The following TACC2 variants were observed in gnomAD, a reference collection of about 807,000 sequenced individuals.
The protein encoded by TACC2 is transforming acidic coiled-coil-containing protein 2.
TACC2 carries 137 observed loss-of-function variants against 227.3 expected under a neutral mutation model. The ratio of observed to expected loss-of-function variants is 0.60; its 90% confidence interval spans 0.52 to 0.69. The LOEUF is 0.69. Ranked by LOEUF, TACC2 falls within the 30% of genes least tolerant of loss-of-function variation. The pLI, the probability that TACC2 is intolerant of heterozygous loss-of-function variation, is 0.00. For missense variants in TACC2, 3,470 were observed against 3,694.4 expected, an observed-to-expected ratio of 0.94 and a Z score of 1.57; for synonymous variants, 1,523 against 1,487.5, an observed-to-expected ratio of 1.02 and a Z score of -0.55.
chr10:122,029,002 C>T (rs867377619), intron 2 of TACC2, among the ~76,000 whole-genome samples: 11 of 57,058 alleles, frequency 1.9e-4, no homozygotes, highest in Non-Finnish European at 1.8e-4. Flanking sequence ...CCTCCCCTCC[C>T]CTCCCCTCCC....
chr10:122,064,422 T>G (rs1395625651), intron 3 of TACC2, among the ~76,000 whole-genome samples: 1 of 152,188 alleles, frequency 6.6e-6, no homozygotes, highest in Non-Finnish European at 1.5e-5. Context: ...TACAGTAAGT[T>G]CTCCCTCAGT....
chr10:122,221,754 A>G (rs770921802), intron 11 of TACC2, among the ~76,000 whole-genome samples: 5 of 152,190 alleles, frequency 3.3e-5, no homozygotes, highest in Admixed American at 6.5e-5. Context: ...TTTATCTTAA[A>G]GTATTTCATT....
At chr10:122,065,691 TGAGA>T (rs1215186618) in intron 3 of TACC2, among the ~76,000 whole-genome samples, 1 of 152,202 alleles carries the variant, frequency 6.6e-6, no homozygotes, top group Non-Finnish European at 1.5e-5. Flanking sequence ...GTTCAATTAT[TGAGA>T]GAGGGGTTTG....
intron 18 of TACC2, among the ~76,000 whole-genome samples, chr10:122,239,801 C>T (rs1342098154): frequency 6.6e-6 from 1 of 152,168 alleles, no homozygotes; most frequent in Non-Finnish European, 1.5e-5. Flanking sequence ...GATGTACCGG[C>T]ATTTGGTAGC....
chr10:122,125,038 C>T (rs58163497), intron 5 of TACC2, among the ~76,000 whole-genome samples: 46,116 of 150,794 alleles, frequency 0.31, 8,304 homozygotes, highest in South Asian at 0.43. Flanking sequence ...GCTGGGAAAT[C>T]GCCATCCAGT....
intron 7 of TACC2, among the ~76,000 whole-genome samples, chr10:122,176,073 T>TTG: frequency 1.1e-5 from 1 of 92,738 alleles, no homozygotes. Context: ...GAGCAAAACC[T>TTG]TCTCTCTCTC....
chr10:122,095,563 T>G (rs1366043259), intron 5 of TACC2, among the ~76,000 whole-genome samples: 2 of 152,150 alleles, frequency 1.3e-5, no homozygotes, highest in African/African-American at 4.8e-5. Flanking sequence ...CTTTTCCAGA[T>G]GAGGAAATGG....
chr10:122,061,001 A>C (rs1001539141), intron 3 of TACC2, among the ~76,000 whole-genome samples: 10 of 9,378 alleles, frequency 1.1e-3, no homozygotes, highest in Non-Finnish European at 1.6e-3. Context: ...ACTCCATCTC[A>C]AAAAAAAAAA....
chr10:122,176,113 C>CTGTATATA (rs1159813137), intron 7 of TACC2, among the ~76,000 whole-genome samples: 1 of 54,824 alleles, frequency 1.8e-5, no homozygotes, highest in Admixed American at 1.8e-4. Flanking sequence ...CTCTCTCTCT[C>CTGTATATA]TCTCTATATA....
chr10:122,184,419 A>G (rs564779961), intron 7 of TACC2, among the ~76,000 whole-genome samples: 72 of 152,262 alleles, frequency 4.7e-4, no homozygotes, highest in Non-Finnish European at 8.1e-4. Context: ...TCCTTCCCTT[A>G]ATCCATGTTG....
chr10:122,165,312 G>A (rs1334483072), intron 7 of TACC2, among the ~76,000 whole-genome samples: 1 of 152,168 alleles, frequency 6.6e-6, no homozygotes, highest in Non-Finnish European at 1.5e-5. Flanking sequence ...TAGTGGAATT[G>A]AGTTAATCAG....
At position 122,211,108 on chromosome 10, in the gene TACC2, C is replaced by A; in HGVS notation, c.6683C>A (p.Pro2228His). 6.2e-7 allele frequency: 1 copy of A among 1,611,816 alleles called. No homozygotes were observed. The highest frequency in any genetic ancestry group is 8.5e-7 in the Non-Finnish European group (1 of 1,179,032). ...GGTGGCAGAGTGCAGAACTCACCCC[C>A]TGTCGGGAGGAAAACGCTGCCTCTT... ...SGGGRVQNSP[P>H]VGRKTLPLTT... Residue 2228 changes from proline to histidine, a missense_variant, in exon 9 of 23, where the codon CCT becomes CAT. By Grantham distance (77) the Pro-to-His change is moderately conservative (BLOSUM62 -2). This residue lies in a region of TACC2 where 593 missense variants were observed against 636.6 expected (regional missense o/e 0.93). Transcript: ENST00000369005.
intron 5 of TACC2, among the ~76,000 whole-genome samples, chr10:122,106,971 T>C (rs2082880266): frequency 1.3e-5 from 2 of 152,184 alleles, no homozygotes; most frequent in South Asian, 4.1e-4. Context: ...CGCATGACAA[T>C]GTCAAGAGGC....
intron 16 of TACC2, among the ~76,000 whole-genome samples, chr10:122,234,676 C>T (rs183285975): frequency 6.6e-6 from 1 of 152,300 alleles, no homozygotes; most frequent in Admixed American, 6.5e-5. Context: ...AGTGAACAGT[C>T]TACATGGTAG....
rs547344614 is a variant in TACC2, at chr10:122,085,764, C to G, written c.3264C>G (p.Gly1088=). 6.2e-7 allele frequency: 1 copy of G among 1,613,882 alleles called. No homozygotes were observed. Among genetic ancestry groups the G allele is most frequent in the South Asian group, 1.1e-5 (1 of 91,078 alleles). ...AGGCATGTGATGAAACCCAGGAAGG[C>G]AGGCAGCAACCAGTGCCGGCCCCGC... ...ETEACDETQE[G]RQQPVPAPQQ... Residue 1088 remains glycine, a synonymous_variant, in exon 4 of 23, where the codon GGC becomes GGG. Transcript: ENST00000369005.
At chr10:122,203,433 C>G (rs1213130280) in intron 8 of TACC2, among the ~76,000 whole-genome samples, 1 of 150,958 alleles carries the variant, frequency 6.6e-6, no homozygotes, top group Non-Finnish European at 1.5e-5. Flanking sequence ...CCCCACCTCC[C>G]TCCCGGACGA....
chr10:122,203,665 C>T (rs2094975446), intron 8 of TACC2, among the ~76,000 whole-genome samples: 1 of 151,996 alleles, frequency 6.6e-6, no homozygotes, highest in Admixed American at 6.5e-5. Context: ...ACGCTCCTCA[C>T]TTTCCAGACT....
intron 7 of TACC2, among the ~76,000 whole-genome samples, chr10:122,154,818 G>A (rs1016634996): frequency 1.3e-5 from 2 of 152,210 alleles, no homozygotes; most frequent in East Asian, 1.9e-4. Flanking sequence ...ACGCTGACAC[G>A]CTCATTCACT....
At chr10:122,172,929 G>A (rs1176605799) in intron 7 of TACC2, among the ~76,000 whole-genome samples, 1 of 152,160 alleles carries the variant, frequency 6.6e-6, no homozygotes, top group African/African-American at 2.4e-5. Flanking sequence ...AGCGGAGTTT[G>A]TGTGAGCAGG....
Sources: gnomAD v4.1 joint callset for allele counts (sites outside exome capture counted in the v4.1 genomes callset) on GRCh38, gnomAD v4.1.1 for gene constraint, gnomAD v4.1.1 regional missense constraint, MANE v1.5 for transcripts, NCBI Gene and HGNC (gene_info 2026-07-23, HGNC 2026-07-21) for gene names.